FAM219A: variants seen among roughly 807,000 people sequenced by gnomAD.
FAM219A encodes the protein protein FAM219A.
Under a neutral mutation model 23.4 loss-of-function variants are expected in FAM219A, and 7 were observed. The ratio of observed to expected loss-of-function variants is 0.30; its 90% CI spans 0.17 to 0.56. The LOEUF (loss-of-function observed/expected upper bound fraction) is 0.56, where lower values mean the gene tolerates loss of function less well. Ranked by LOEUF, FAM219A falls within the 20% of genes least tolerant of loss-of-function variation. The pLI is 0.92. For missense variants in FAM219A, 166 were observed against 246.9 expected (o/e 0.67, Z 2.20); for synonymous variants, 93 against 99.0 (o/e 0.94, Z 0.36).
intron 1 of FAM219A, among the ~76,000 whole-genome samples, chr9:34,438,652 G>A (rs766713202): frequency 1.3e-5 from 2 of 152,130 alleles, no homozygotes; most frequent in Non-Finnish European, 2.9e-5. Flanking sequence ...GTCTAGCTCA[G>A]GGTTTGTGAA....
intron 1 of FAM219A, among the ~76,000 whole-genome samples, chr9:34,412,154 C>T (rs974425989): frequency 1.3e-5 from 2 of 151,972 alleles, no homozygotes; most frequent in South Asian, 2.1e-4. Context: ...ATGTGCAAGA[C>T]GCCTGGGAAG....
chr9:34,401,029 TG>T lies in FAM219A; in HGVS notation c.492del (p.Lys165SerfsTer3), dbSNP rs760074479. 2.5e-6 allele frequency: 4 copies of T among 1,604,218 alleles called. No homozygotes were observed. Among genetic ancestry groups the T allele is most frequent in the Non-Finnish European group, 3.4e-6 (4 of 1,174,174 alleles). ...CACATGCACGTGGGGTTCACGGACTTGGGGGGGATGAGGTCTAGGTCCTCGT... is the reference window on the plus strand; with the variant it reads ...CACATGCACGTGGGGTTCACGGACTTGGGGGGATGAGGTCTAGGTCCTCGT... ...PDDEDLDLIPPKSVNPTCMCC... is the reference protein window; with the variant it reads ...PDDEDLDLIPXKSVNPTCMCC... On this transcript the variant is annotated frameshift_variant, in exon 6 of 6. Coordinates refer to ENST00000651358, the MANE Select transcript of FAM219A (RefSeq NM_001184940.2). LOFTEE classifies it high-confidence loss of function.
chr9:34,435,411 C>A (rs760175269), intron 1 of FAM219A, among the ~76,000 whole-genome samples: 4 of 151,950 alleles, frequency 2.6e-5, no homozygotes, highest in Non-Finnish European at 5.9e-5. Flanking sequence ...TGATTTTTGA[C>A]CATTTGTTTC....
Position 34,400,920 on chromosome 9 carries a change from G to A in FAM219A, c.*44C>T, listed in dbSNP as rs1415430587. On this transcript the variant is annotated 3_prime_UTR_variant, in exon 6 of 6. Transcript: ENST00000651358. ...GGGTCGGCCTCTGCCCGTCCTACCC[G>A]GCCCTTGGCGGCCCCGCCCCGGCGA... is the stretch of plus-strand genomic sequence containing the variant. The A allele has an allele frequency of 2.7e-6, 4 of 1,488,610 alleles. No homozygotes were observed. The highest frequency in any genetic ancestry group is 2.7e-6 in the Non-Finnish European group (3 of 1,117,454). The allele number at this position is 1,488,610 out of a possible 1,614,324, so 92.2% of individuals were successfully genotyped here. A position where few individuals can be genotyped will look rare whatever the true frequency, so the allele number is the denominator to read the frequency against.
At chr9:34,437,880 G>A (rs909331033) in intron 1 of FAM219A, among the ~76,000 whole-genome samples, 1 of 152,254 alleles carries the variant, frequency 6.6e-6, no homozygotes. Flanking sequence ...TTCTGGGCTG[G>A]CCAAGGCCAG....
chr9:34,427,032 A>G (rs903021671), intron 1 of FAM219A, among the ~76,000 whole-genome samples: 7 of 151,450 alleles, frequency 4.6e-5, no homozygotes, highest in Non-Finnish European at 8.8e-5. Flanking sequence ...CCCCAACCTC[A>G]TCTTGTGCCA....
intron 2 of FAM219A, among the ~76,000 whole-genome samples, chr9:34,405,509 A>G (rs1207206689): frequency 6.6e-6 from 1 of 152,148 alleles, no homozygotes; most frequent in Non-Finnish European, 1.5e-5. Context: ...TCCCTTAGAC[A>G]TAACAAGTAA....
At chr9:34,439,166 C>T (rs536239429) in intron 1 of FAM219A, among the ~76,000 whole-genome samples, 9 of 152,318 alleles carry the variant, frequency 5.9e-5, no homozygotes, top group East Asian at 5.8e-4. Context: ...GAACACACTC[C>T]GGACACGCCG....
At position 34,398,790 on chromosome 9, in the gene FAM219A, C is replaced by A; in HGVS notation, c.*2174G>T. 1 of 179,936 alleles carries A rather than the reference C, an allele frequency of 5.6e-6. No individual in the cohort carries two copies. The highest frequency in any genetic ancestry group is 5.9e-5 in the Admixed American group (1 of 16,890). The allele number at this position is 179,936 out of a possible 1,614,324, so 11.1% of individuals were successfully genotyped here. The stretch of plus-strand genomic sequence containing the variant: ...GGCTCTGGGGTCCAGATGATGGGGG[C>A]ACAGGGGTTGGGGGGATGTTGATCT... On this transcript the variant is annotated 3_prime_UTR_variant, in exon 6 of 6. Transcript: ENST00000651358.
intron 1 of FAM219A, among the ~76,000 whole-genome samples, chr9:34,442,207 C>G (rs1276135756): frequency 1.3e-5 from 2 of 152,158 alleles, no homozygotes; most frequent in African/African-American, 4.8e-5. Flanking sequence ...GATCTAACTA[C>G]CAATTTGCAA....
chr9:34,415,121 A>AT (rs5897570), intron 1 of FAM219A, among the ~76,000 whole-genome samples: 2,816 of 148,816 alleles, frequency 0.019, 48 homozygotes, highest in Non-Finnish European at 0.031. Flanking sequence ...GCCTGGCTAA[A>AT]TTTTTTTTTT....
chr9:34,438,153 G>C (rs940331998), intron 1 of FAM219A, among the ~76,000 whole-genome samples: 1 of 152,232 alleles, frequency 6.6e-6, no homozygotes, highest in African/African-American at 2.4e-5. Flanking sequence ...AGCCTTAGCT[G>C]CCTTCCTGCG....
chr9:34,398,526 C>A lies in FAM219A; in HGVS notation c.*2438G>T. ...ACTGCCAGCTTCCTGCCTCTCTCTG[C>A]CACACATGCACTGCCTCAGTTGGAA... On this transcript the variant is annotated 3_prime_UTR_variant, in exon 6 of 6. Coordinates refer to ENST00000651358, the MANE Select transcript of FAM219A (RefSeq NM_001184940.2). 1.4e-6 allele frequency: 1 copy of A among 709,836 alleles called. No individual in the cohort carries two copies. The highest frequency in any genetic ancestry group is 2.3e-6 in the Non-Finnish European group (1 of 426,806). The allele number at this position is 709,836 out of a possible 1,614,324, so 44.0% of individuals were successfully genotyped here.
chr9:34,427,783 T>G (rs1822540157), intron 1 of FAM219A, among the ~76,000 whole-genome samples: 1 of 152,358 alleles, frequency 6.6e-6, no homozygotes, highest in Middle Eastern at 3.4e-3. Context: ...TTTGTAGGAC[T>G]ACTTCTTCAC....
chr9:34,443,738 G>A (rs1307935094), intron 1 of FAM219A, among the ~76,000 whole-genome samples: 2 of 152,042 alleles, frequency 1.3e-5, no homozygotes, highest in African/African-American at 2.4e-5. Flanking sequence ...CCTCAGGCCC[G>A]TGCCCCCCAC....
At chr9:34,413,763 T>C (rs1299589019) in intron 1 of FAM219A, among the ~76,000 whole-genome samples, 1 of 152,124 alleles carries the variant, frequency 6.6e-6, no homozygotes, top group East Asian at 1.9e-4. Flanking sequence ...CCCTGGATAA[T>C]AGCAGGAGGC....
Position 34,458,251 on chromosome 9 carries a change from TCTC to T in FAM219A, c.10_12del (p.Glu4del). 6.3e-7 allele frequency: 1 copy of T among 1,585,248 alleles called. No individual in the cohort carries two copies. On this transcript the variant is annotated inframe_deletion, in exon 1 of 6. Coordinates refer to ENST00000651358, the MANE Select transcript of FAM219A (RefSeq NM_001184940.2). This position sits in a 1 kb window ranked among gnomAD's most constrained non-coding sequence, Gnocchi z 6.6. The stretch of plus-strand genomic sequence containing the variant: ...GCGGTGGGCACCTGGAACCGGTCGA[TCTC>T]CTCCATCATGGTGCCGGCGGGCGAG...
chr9:34,412,292 A>C (rs1169952736), intron 1 of FAM219A, among the ~76,000 whole-genome samples: 5 of 152,206 alleles, frequency 3.3e-5, no homozygotes, highest in African/African-American at 1.2e-4. Context: ...AAAACAGTAG[A>C]ATTGGCAGGC....
In FAM219A at chr9:34,399,586, C is replaced by T. The variant is rs745776059; in HGVS notation, c.*1378G>A. 2.0e-5 allele frequency: 3 copies of T among 152,178 alleles called. No homozygotes were observed. The highest frequency in any genetic ancestry group is 1.9e-4 in the East Asian group (1 of 5,198). 9.4% of individuals were successfully genotyped at this position (152,178 alleles called of 1,614,324 possible). On this transcript the variant is annotated 3_prime_UTR_variant, in exon 6 of 6. Transcript: ENST00000651358. ...GCCTTTCTACAGAGACACACAACTC[C>T]GCCCCACCCCAACCTTTAGGTATAC...
Sources: gnomAD v4.1 joint callset for allele counts (sites outside exome capture counted in the v4.1 genomes callset) on GRCh38, gnomAD v4.1.1 for gene constraint, Gnocchi (gnomAD v3.1) non-coding constraint, MANE v1.5 for transcripts, NCBI Gene and HGNC (gene_info 2026-07-23, HGNC 2026-07-21) for gene names.